The following CACNA1C variants were observed in gnomAD, a reference collection of about 807,000 sequenced individuals.
CACNA1C encodes the protein voltage-dependent L-type calcium channel subunit alpha-1C.
In CACNA1C, 30 loss-of-function variants were observed where a neutral mutation model predicts 229.0. That is an observed-to-expected ratio of 0.13 (90% CI 0.10 to 0.18). The LOEUF (loss-of-function observed/expected upper bound fraction) is 0.18, where lower values mean the gene tolerates loss of function less well. Among genes scored for constraint, CACNA1C ranks in the 10% least tolerant of loss-of-function variants. CACNA1C has a pLI of 1.00. For synonymous variants in CACNA1C, 1,114 were observed against 1,132.5 expected, an observed-to-expected ratio of 0.98 and a Z score of 0.33; for missense variants, 1,658 against 2,845.0, an observed-to-expected ratio of 0.58 and a Z score of 9.49.
intron 3 of CACNA1C, among the ~76,000 whole-genome samples, chr12:2,179,450 C>G (rs2096765367): frequency 6.6e-6 from 1 of 152,218 alleles, no homozygotes; most frequent in African/African-American, 2.4e-5. Flanking sequence ...CCCATAGACT[C>G]TAAGGTTGGA....
At chr12:2,391,571 C>T (rs969118238) in intron 3 of CACNA1C, among the ~76,000 whole-genome samples, 5 of 150,752 alleles carry the variant, frequency 3.3e-5, no homozygotes, top group East Asian at 2.0e-4. Flanking sequence ...CTTGAAGTTA[C>T]GGGCAGGAGC....
intron 4 of CACNA1C, among the ~76,000 whole-genome samples, chr12:2,452,559 C>A (rs1258213757): frequency 6.6e-6 from 1 of 152,228 alleles, no homozygotes; most frequent in African/African-American, 2.4e-5. Context: ...GGCCAGGCGT[C>A]CACACCAGAG....
At chr12:2,390,882 G>A (rs1020425517) in intron 3 of CACNA1C, among the ~76,000 whole-genome samples, 3 of 152,178 alleles carry the variant, frequency 2.0e-5, no homozygotes, top group Admixed American at 1.3e-4. Context: ...GTGGCATGCT[G>A]GAGCTTAGTA....
At chr12:2,469,655 T>G (rs2099580029) in intron 5 of CACNA1C, among the ~76,000 whole-genome samples, 2 of 152,338 alleles carry the variant, frequency 1.3e-5, no homozygotes, top group Admixed American at 6.5e-5. Context: ...AGAAAAAGCC[T>G]TGGGACTGTG....
At chr12:2,269,325 A>G (rs1362858827) in intron 3 of CACNA1C, among the ~76,000 whole-genome samples, 1 of 152,110 alleles carries the variant, frequency 6.6e-6, no homozygotes, top group African/African-American at 2.4e-5. Flanking sequence ...CTATCTGTGT[A>G]TGTGCTTAAG....
In CACNA1C at chr12:2,464,082, G is replaced by A. The variant is rs113971776; in HGVS notation, c.757+6376G>A. Among the ~76,000 whole-genome samples the A allele has an allele frequency of 5.1e-3, 771 of 152,210 alleles. 5 individuals carry two copies. The highest frequency in any genetic ancestry group is 9.1e-3 in the Non-Finnish European group (616 of 68,002). On this transcript the variant is annotated intron_variant, in intron 5 of 46. Coordinates refer to ENST00000399655, the MANE Select transcript of CACNA1C (RefSeq NM_000719.7). ...GCCTTCTGGAGAAGAACTTTCAGGA[G>A]GGACTTGATAAAGGGAGAAGTCAAA... is the stretch of plus-strand genomic sequence containing the variant.
rs1439805568 is a variant in CACNA1C, at chr12:2,647,761, C to T, written c.3913-714C>T. On this transcript the variant is annotated intron_variant, in intron 30 of 46. Coordinates refer to ENST00000399655, the MANE Select transcript of CACNA1C (RefSeq NM_000719.7). The surrounding 1 kb of genome is among the most constrained non-coding windows in gnomAD (Gnocchi z 4.2). ...AGCAAGGCCTCTGTCCTTCAGCTGG[C>T]CCTGCCTGGGGTAAGCTAAAGTGCA... 6.6e-6 allele frequency among the ~76,000 whole-genome samples: 1 copy of T among 152,156 alleles called. No homozygotes were observed. Among genetic ancestry groups the T allele is most frequent in the African/African-American group, 2.4e-5 (1 of 41,424 alleles).
At chr12:2,079,425 A>C (rs1299578492) in intron 1 of CACNA1C, among the ~76,000 whole-genome samples, 6 of 152,180 alleles carry the variant, frequency 3.9e-5, no homozygotes, top group Non-Finnish European at 7.3e-5. Context: ...GTGCTAGCAG[A>C]TTTGATATCT....
intron 8 of CACNA1C, among the ~76,000 whole-genome samples, chr12:2,506,879 G>A (rs1425822943): frequency 6.6e-6 from 1 of 152,152 alleles, no homozygotes; most frequent in African/African-American, 2.4e-5. Context: ...AGCCTGAAGT[G>A]GAGAATGAGG....
chr12:2,607,965 A>G (rs1050473385), intron 26 of CACNA1C: 4 of 152,622 alleles, frequency 2.6e-5, no homozygotes, highest in Admixed American at 1.3e-4. Context: ...AACAAGCTTC[A>G]TGGGGCACAC....
chr12:2,341,120 C>T (rs1473840791), intron 3 of CACNA1C, among the ~76,000 whole-genome samples: 1 of 152,188 alleles, frequency 6.6e-6, no homozygotes, highest in African/African-American at 2.4e-5. Flanking sequence ...CCCTTGTCAC[C>T]TGGACAGGCC....
At chr12:2,254,598 G>A (rs1398486822) in intron 3 of CACNA1C, among the ~76,000 whole-genome samples, 1 of 152,164 alleles carries the variant, frequency 6.6e-6, no homozygotes, top group Non-Finnish European at 1.5e-5. Context: ...CAGGGTCCAG[G>A]CTTCCCCTTC....
intron 28 of CACNA1C, among the ~76,000 whole-genome samples, chr12:2,611,547 G>A (rs576151030): frequency 6.6e-6 from 1 of 152,240 alleles, no homozygotes; most frequent in South Asian, 2.1e-4. Context: ...GGGATGAGCT[G>A]GACGCATTCG....
chr12:1,998,018 T>C, intron 1 of CACNA1C: 1 of 1,554,132 alleles, frequency 6.4e-7, no homozygotes, highest in Non-Finnish European at 8.7e-7. Flanking sequence ...TATGTTCTCT[T>C]CAATTCACAA....
At chr12:2,437,286 CAT>C (rs2154559841) in intron 3 of CACNA1C, among the ~76,000 whole-genome samples, 1 of 152,170 alleles carries the variant, frequency 6.6e-6, no homozygotes, top group East Asian at 1.9e-4. Context: ...GCAGCCAGCA[CAT>C]GACTCAAAAA....
intron 3 of CACNA1C, among the ~76,000 whole-genome samples, chr12:2,373,312 C>T (rs1462323423): frequency 2.0e-5 from 3 of 152,206 alleles, no homozygotes; most frequent in African/African-American, 7.2e-5. Context: ...CACTGAATAA[C>T]ACGAACGGGG....
At chr12:2,610,485 C>T in intron 27 of CACNA1C, 56 bp from the exon 28 acceptor site, 4 of 1,555,190 alleles carry the variant, frequency 2.6e-6, no homozygotes, top group East Asian at 2.3e-5. Context: ...TGCCAGCTCC[C>T]CCCACACCCT....
rs555456170 is a variant in CACNA1C, at chr12:2,284,119, C to T, written c.477+163689C>T. On this transcript the variant is annotated intron_variant, in intron 3 of 46. Transcript: ENST00000399655. ...ACAGGAACCCGCCATCCCCCTAGCTCGTCCCTGGCCCTCAGGAAGTGCTGA... is the reference window on the plus strand; with the variant it reads ...ACAGGAACCCGCCATCCCCCTAGCTTGTCCCTGGCCCTCAGGAAGTGCTGA... Among the ~76,000 whole-genome samples, 3 of 152,274 alleles carry T rather than the reference C, an allele frequency of 2.0e-5. No homozygotes were observed. In the South Asian group the frequency reaches 6.2e-4, roughly 32 times the overall value.
rs1341680832 is a variant in CACNA1C, at chr12:2,549,939, G to A, written c.1391-4G>A. The A allele has an allele frequency of 3.1e-6, 5 of 1,594,426 alleles. No individual in the cohort carries two copies. Among genetic ancestry groups the A allele is most frequent in the Non-Finnish European group, 4.3e-6 (5 of 1,169,352 alleles). ...CTGGCTCTGCTTCCCTTTGACTCTT[G>A]CAGTGAGCATGCCCACCAGTGAGAC... On this transcript the variant is annotated splice_polypyrimidine_tract_variant and splice_region_variant and intron_variant, in intron 9 of 46. Transcript: ENST00000399655.
Sources: allele counts gnomAD v4.1 joint callset (sites outside exome capture counted in the v4.1 genomes callset), GRCh38; gene constraint gnomAD v4.1.1; non-coding constraint Gnocchi (gnomAD v3.1); transcripts MANE v1.5; gene names NCBI Gene and HGNC (gene_info 2026-07-23, HGNC 2026-07-21).